SNTG1: variants seen among roughly 807,000 people sequenced by gnomAD.
The protein encoded by SNTG1 is gamma-1-syntrophin.
Under a neutral mutation model 74.7 loss-of-function variants are expected in SNTG1, and 39 were observed. That is an observed-to-expected ratio of 0.52 (90% CI 0.40 to 0.68). The LOEUF (loss-of-function observed/expected upper bound fraction) is 0.68, where lower values mean the gene tolerates loss of function less well. SNTG1 is among the 30% of genes least tolerant of loss of function. SNTG1 has a pLI of 0.00. For synonymous variants in SNTG1, 254 were observed against 217.1 expected (o/e 1.17, Z -1.49); for missense variants, 685 against 609.5 (o/e 1.12, Z -1.30).
Position 49,990,602 on chromosome 8 carries a change from A to G in SNTG1, c.-103+78371A>G, listed in dbSNP as rs1417052319. On this transcript the variant is annotated intron_variant, in intron 1 of 18. Coordinates refer to ENST00000642720, the MANE Select transcript of SNTG1 (RefSeq NM_018967.5). ...AATCAAAATGGTGTAATATTGGCGT[A>G]ATGATAGACATAGAGGTTAATGGAA... Among the ~76,000 whole-genome samples, 4 of 152,128 alleles carry G rather than the reference A, an allele frequency of 2.6e-5. No individual in the cohort carries two copies. The East Asian group carries it at 7.7e-4, about 29-fold the overall frequency.
At chr8:49,992,725 G>C (rs866909930) in intron 1 of SNTG1, among the ~76,000 whole-genome samples, 1 of 152,206 alleles carries the variant, frequency 6.6e-6, no homozygotes, top group Non-Finnish European at 1.5e-5. Context: ...TGCCATCGCT[G>C]TATGGGTGGA....
At chr8:50,535,234 A>C (rs941058675) in intron 10 of SNTG1, among the ~76,000 whole-genome samples, 3 of 152,138 alleles carry the variant, frequency 2.0e-5, no homozygotes, top group African/African-American at 7.2e-5. Flanking sequence ...AGACTACAAA[A>C]CTTGCCCCCA....
Position 50,129,443 on chromosome 8 carries a change from TATAATTC to T in SNTG1, c.-102-43113_-102-43107del, listed in dbSNP as rs1446863250. Among the ~76,000 whole-genome samples, 11 of 152,172 alleles carry T rather than the reference TATAATTC, an allele frequency of 7.2e-5. No homozygotes were observed. In the East Asian group the frequency reaches 1.5e-3, roughly 21 times the overall value. On this transcript the variant is annotated intron_variant, in intron 1 of 18. Coordinates refer to ENST00000642720, the MANE Select transcript of SNTG1 (RefSeq NM_018967.5). The stretch of plus-strand genomic sequence containing the variant: ...GCCAGCACCCTCAGAGGACCCCAAA[TATAATTC>T]ATAAAAAACATCAGTCTTCCTACAA...
At chr8:50,114,089 A>G (rs1271321501) in intron 1 of SNTG1, among the ~76,000 whole-genome samples, 2 of 152,150 alleles carry the variant, frequency 1.3e-5, no homozygotes, top group Admixed American at 6.6e-5. Context: ...ATTCGACATA[A>G]TAACTAACAA....
chr8:50,622,605 A>G (rs1184379918), intron 13 of SNTG1, among the ~76,000 whole-genome samples: 1 of 152,142 alleles, frequency 6.6e-6, no homozygotes, highest in Non-Finnish European at 1.5e-5. Context: ...ATTATATTTT[A>G]CCAATGACAT....
At chr8:49,914,475 T>C (rs572004647) in intron 1 of SNTG1, among the ~76,000 whole-genome samples, 12 of 152,024 alleles carry the variant, frequency 7.9e-5, no homozygotes, top group Non-Finnish European at 1.8e-4. Flanking sequence ...AAATGTAAAG[T>C]ATATATAGGA....
intron 9 of SNTG1, among the ~76,000 whole-genome samples, chr8:50,528,054 G>A (rs4478591): frequency 0.02 from 2,984 of 151,852 alleles, 112 homozygotes; most frequent in African/African-American, 0.068. Context: ...CATTCTTAAC[G>A]TTTTTCTATA....
At chr8:50,351,970 A>T (rs1017138306) in intron 2 of SNTG1, among the ~76,000 whole-genome samples, 1 of 152,190 alleles carries the variant, frequency 6.6e-6, no homozygotes, top group Non-Finnish European at 1.5e-5. Flanking sequence ...GAGGGAGGAG[A>T]GGAAAAGGAG....
chr8:50,107,273 G>A (rs2080407829), intron 1 of SNTG1, among the ~76,000 whole-genome samples: 1 of 152,112 alleles, frequency 6.6e-6, no homozygotes, highest in South Asian at 2.1e-4. Flanking sequence ...AATAAGGTAT[G>A]GACCTTTTCC....
At chr8:50,749,181 T>C (rs915022463) in intron 17 of SNTG1, among the ~76,000 whole-genome samples, 7 of 152,010 alleles carry the variant, frequency 4.6e-5, no homozygotes, top group Non-Finnish European at 1.0e-4. Flanking sequence ...TTTGCTGATA[T>C]GGAGAAAGTG....
At chr8:50,302,939 C>A (rs78683798) in intron 2 of SNTG1, among the ~76,000 whole-genome samples, 10,555 of 152,176 alleles carry the variant, frequency 0.069, 410 homozygotes, top group African/African-American at 0.086. Flanking sequence ...TGTAGAAAAG[C>A]TTTGCTGAGA....
intron 10 of SNTG1, among the ~76,000 whole-genome samples, chr8:50,530,690 G>A (rs1188175204): frequency 6.6e-6 from 1 of 152,140 alleles, no homozygotes; most frequent in African/African-American, 2.4e-5. Flanking sequence ...TTACTGCAAA[G>A]TGAGAAAATC....
chr8:50,515,700 G>A (rs539476317), intron 9 of SNTG1, among the ~76,000 whole-genome samples: 1 of 152,146 alleles, frequency 6.6e-6, no homozygotes, highest in African/African-American at 2.4e-5. Flanking sequence ...CTTCTAACAG[G>A]GTAGAGTGCA....
At chr8:50,558,293 G>A (rs1469177387) in intron 12 of SNTG1, among the ~76,000 whole-genome samples, 1 of 152,156 alleles carries the variant, frequency 6.6e-6, no homozygotes, top group East Asian at 1.9e-4. Flanking sequence ...CCAAAACAAA[G>A]GAACAGTAAC....
Position 50,628,451 on chromosome 8 carries a change from C to T in SNTG1, c.850-28458C>T, listed in dbSNP as rs75985416. On this transcript the variant is annotated intron_variant, in intron 13 of 18. Coordinates refer to ENST00000642720, the MANE Select transcript of SNTG1 (RefSeq NM_018967.5). ...TAATTGTTCTGATCTTATTTAGGGTCACTAATGATGTACATGGAGGGTCTC... is the reference window on the plus strand; with the variant it reads ...TAATTGTTCTGATCTTATTTAGGGTTACTAATGATGTACATGGAGGGTCTC... Among the ~76,000 whole-genome samples, 7 of 152,114 alleles carry T rather than the reference C, an allele frequency of 4.6e-5. No homozygotes were observed. The East Asian group carries it at 1.3e-3, about 29-fold the overall frequency.
At chr8:50,726,873 TA>T (rs1191531960) in intron 17 of SNTG1, among the ~76,000 whole-genome samples, 3 of 151,546 alleles carry the variant, frequency 2.0e-5, no homozygotes, top group Non-Finnish European at 4.4e-5. Context: ...TAAAGTAAAA[TA>T]AAATAAATAA....
chr8:49,939,040 A>G (rs1261211452), intron 1 of SNTG1, among the ~76,000 whole-genome samples: 1 of 152,116 alleles, frequency 6.6e-6, no homozygotes, highest in African/African-American at 2.4e-5. Flanking sequence ...AGACTTTAGG[A>G]TATTTCACTG....
intron 12 of SNTG1, among the ~76,000 whole-genome samples, chr8:50,563,345 G>GA (rs1389683838): frequency 1.3e-5 from 2 of 152,264 alleles, no homozygotes; most frequent in African/African-American, 4.8e-5. Context: ...ACAGAAGAGA[G>GA]AAAAACACAT....
chr8:49,941,869 T>G (rs1808724492), intron 1 of SNTG1, among the ~76,000 whole-genome samples: 1 of 152,232 alleles, frequency 6.6e-6, no homozygotes, highest in Non-Finnish European at 1.5e-5. Context: ...TTTATTTACT[T>G]GTTTTTAGAT....
Sources: allele counts gnomAD v4.1 joint callset (sites outside exome capture counted in the v4.1 genomes callset), GRCh38; gene constraint gnomAD v4.1.1; transcripts MANE v1.5; gene names NCBI Gene and HGNC (gene_info 2026-07-23, HGNC 2026-07-21).